EPHB1: variants seen among roughly 807,000 people sequenced by gnomAD.
EPHB1 encodes EPH receptor B1.
Under a neutral mutation model 94.4 loss-of-function variants are expected in EPHB1, and 30 were observed. The ratio of observed to expected loss-of-function variants is 0.32; its 90% confidence interval spans 0.24 to 0.43. The LOEUF is 0.43. Among genes scored for constraint, EPHB1 ranks in the 20% least tolerant of loss-of-function variants. The probability of loss-of-function intolerance (pLI) is 1.00; values close to 1 mark genes in which losing one functional copy is unlikely to be tolerated. For missense variants in EPHB1, 1,055 were observed against 1,308.3 expected (o/e 0.81, Z 2.99); for synonymous variants, 522 against 489.1 (o/e 1.07, Z -0.89).
At chr3:135,231,788 T>C (rs1943536139) in intron 12 of EPHB1, among the ~76,000 whole-genome samples, 4 of 152,240 alleles carry the variant, frequency 2.6e-5, no homozygotes, top group South Asian at 2.1e-4. Flanking sequence ...TTCTCTGTTA[T>C]GTGTGCCATT....
At chr3:134,914,927 G>A (rs962998621) in intron 1 of EPHB1, among the ~76,000 whole-genome samples, 2 of 152,240 alleles carry the variant, frequency 1.3e-5, no homozygotes, top group African/African-American at 4.8e-5. Flanking sequence ...GCTCCTGCTG[G>A]TGAAGGGGCC....
At chr3:135,012,365 G>T (rs1935649950) in intron 3 of EPHB1, among the ~76,000 whole-genome samples, 1 of 152,184 alleles carries the variant, frequency 6.6e-6, no homozygotes, top group Admixed American at 6.5e-5. Flanking sequence ...TGACTTCCTG[G>T]AATAGCACAT....
chr3:134,885,449 C>G lies in EPHB1; in HGVS notation c.59-40367C>G, dbSNP rs528307373. Among the ~76,000 whole-genome samples the G allele has an allele frequency of 1.8e-4, 27 of 152,328 alleles. No individual in the cohort carries two copies. In the South Asian group the frequency reaches 5.4e-3, roughly 30 times the overall value. Reference sequence around the variant, plus strand: ...CCCCCATTCTTTCCCCAGTGATTATCATTGTTCCCAGTGCCTTGCAGTTCC... The same window carrying G: ...CCCCCATTCTTTCCCCAGTGATTATGATTGTTCCCAGTGCCTTGCAGTTCC... On this transcript the variant is annotated intron_variant, in intron 1 of 15. Transcript: ENST00000398015.
intron 1 of EPHB1, among the ~76,000 whole-genome samples, chr3:134,824,829 A>ACAGCCAGCACCAACTGC (rs993158767): frequency 2.6e-5 from 4 of 152,120 alleles, no homozygotes; most frequent in East Asian, 3.9e-4. Context: ...CTTCCAGCTG[A>ACAGCCAGCACCAACTGC]CAGCCAGCAC....
intron 3 of EPHB1, among the ~76,000 whole-genome samples, chr3:135,096,871 G>C (rs1044409771): frequency 6.6e-6 from 1 of 152,122 alleles, no homozygotes; most frequent in African/African-American, 2.4e-5. Flanking sequence ...GCCAAGGGGG[G>C]CGGATCACGA....
chr3:135,082,291 A>G (rs1431399074), intron 3 of EPHB1, among the ~76,000 whole-genome samples: 2 of 152,244 alleles, frequency 1.3e-5, no homozygotes, highest in African/African-American at 4.8e-5. Flanking sequence ...CCTTGGACAC[A>G]GAAGTGTGCA....
intron 1 of EPHB1, among the ~76,000 whole-genome samples, chr3:134,924,835 C>A (rs374429210): frequency 2.0e-5 from 3 of 152,076 alleles, no homozygotes; most frequent in Admixed American, 1.3e-4. Flanking sequence ...TCCATTTATA[C>A]GAAATGTGAG....
At chr3:134,905,145 A>T (rs920426423) in intron 1 of EPHB1, among the ~76,000 whole-genome samples, 9 of 152,184 alleles carry the variant, frequency 5.9e-5, no homozygotes, top group African/African-American at 2.2e-4. Flanking sequence ...ATCAGTACCC[A>T]CCTCCAGTGC....
At chr3:135,248,007 A>C (rs1394280014) in intron 13 of EPHB1, among the ~76,000 whole-genome samples, 1 of 152,312 alleles carries the variant, frequency 6.6e-6, no homozygotes, top group East Asian at 1.9e-4. Context: ...TAAAGAGCGG[A>C]GATGCTCAAG....
intron 3 of EPHB1, among the ~76,000 whole-genome samples, chr3:135,009,499 A>G (rs2107747952): frequency 6.6e-6 from 1 of 152,374 alleles, no homozygotes; most frequent in South Asian, 2.1e-4. Flanking sequence ...ACAGAGAAAG[A>G]AAGGCAGGCC....
chr3:135,042,927 C>T lies in EPHB1; in HGVS notation c.806-63521C>T, dbSNP rs1478591702. Among the ~76,000 whole-genome samples, 3 of 152,126 alleles carry T rather than the reference C, an allele frequency of 2.0e-5. No individual in the cohort carries two copies. In the East Asian group the frequency reaches 5.8e-4, roughly 29 times the overall value. The stretch of plus-strand genomic sequence containing the variant: ...CGCAATCTCGGCTCACTGCAACCTC[C>T]ACCTCCCAGGTTCAAGTGATTCTTG... On this transcript the variant is annotated intron_variant, in intron 3 of 15. Coordinates refer to ENST00000398015, the MANE Select transcript of EPHB1 (RefSeq NM_004441.5).
chr3:134,824,231 T>A (rs2036434992), intron 1 of EPHB1, among the ~76,000 whole-genome samples: 2 of 150,386 alleles, frequency 1.3e-5, no homozygotes, highest in Non-Finnish European at 3.0e-5. Flanking sequence ...CCCATTGATA[T>A]GGCGTATCAG....
At chr3:135,249,094 A>C (rs1932946213) in intron 14 of EPHB1, among the ~76,000 whole-genome samples, 1 of 152,148 alleles carries the variant, frequency 6.6e-6, no homozygotes, top group South Asian at 2.1e-4. Flanking sequence ...CGCTATGTCA[A>C]CCTGTCTGTC....
At chr3:135,058,943 A>C (rs1937419439) in intron 3 of EPHB1, among the ~76,000 whole-genome samples, 1 of 152,242 alleles carries the variant, frequency 6.6e-6, no homozygotes, top group Admixed American at 6.5e-5. Flanking sequence ...TTTTATTCTC[A>C]GAACACTCAA....
chr3:134,928,820 C>A (rs2107703686), intron 2 of EPHB1, among the ~76,000 whole-genome samples: 1 of 147,410 alleles, frequency 6.8e-6, no homozygotes, highest in Non-Finnish European at 1.5e-5. Context: ...AGAACCTGAC[C>A]AGGAGACTGG....
At chr3:134,885,273 A>T (rs1183576143) in intron 1 of EPHB1, among the ~76,000 whole-genome samples, 1 of 152,242 alleles carries the variant, frequency 6.6e-6, no homozygotes, top group Non-Finnish European at 1.5e-5. Context: ...ACAGAAAGAT[A>T]AAAGGTTGAA....
At chr3:134,997,534 A>G (rs1315458117) in intron 3 of EPHB1, among the ~76,000 whole-genome samples, 2 of 151,992 alleles carry the variant, frequency 1.3e-5, no homozygotes, top group African/African-American at 2.4e-5. Context: ...CCTTCTGCCC[A>G]ATTGTTTTAA....
chr3:134,983,427 C>T (rs1397645882), intron 3 of EPHB1, among the ~76,000 whole-genome samples: 1 of 152,248 alleles, frequency 6.6e-6, no homozygotes, highest in East Asian at 1.9e-4. Context: ...CTCTTCAGTT[C>T]TCATCATGGC....
intron 12 of EPHB1, among the ~76,000 whole-genome samples, chr3:135,212,673 C>CCA (rs1943058400): frequency 6.6e-6 from 1 of 152,194 alleles, no homozygotes; most frequent in South Asian, 2.1e-4. Flanking sequence ...GTGCTGAATT[C>CCA]GTTCCCTTGG....
Sources: gnomAD v4.1 joint callset for allele counts (sites outside exome capture counted in the v4.1 genomes callset) on GRCh38, gnomAD v4.1.1 for gene constraint, MANE v1.5 for transcripts, NCBI Gene and HGNC (gene_info 2026-07-23, HGNC 2026-07-21) for gene names.